SHISA6: variants seen among roughly 807,000 people sequenced by gnomAD.
SHISA6 encodes protein shisa-6.
A neutral mutation model predicts 47.9 loss-of-function variants in SHISA6; 22 were observed. That is an observed-to-expected ratio of 0.46 (90% CI 0.33 to 0.66). The LOEUF is 0.66. SHISA6 is among the 30% of genes least tolerant of loss of function. The pLI is 0.02. For missense variants in SHISA6, 680 were observed against 764.6 expected, an observed-to-expected ratio of 0.89 and a Z score of 1.30; for synonymous variants, 388 against 337.8, an observed-to-expected ratio of 1.15 and a Z score of -1.63.
At chr17:11,482,258 C>T (rs1441296275) in intron 3 of SHISA6, among the ~76,000 whole-genome samples, 5 of 152,096 alleles carry the variant, frequency 3.3e-5, no homozygotes, top group Admixed American at 1.3e-4. Flanking sequence ...CAGAATAAAT[C>T]AAGAATTTGA....
At chr17:11,383,222 G>C (rs946790363) in intron 3 of SHISA6, among the ~76,000 whole-genome samples, 2 of 152,110 alleles carry the variant, frequency 1.3e-5, no homozygotes, top group Non-Finnish European at 2.9e-5. Context: ...ACAGGCATGA[G>C]CCACCATGCC....
intron 2 of SHISA6, among the ~76,000 whole-genome samples, chr17:11,292,331 C>G (rs995990201): frequency 6.6e-6 from 1 of 152,060 alleles, no homozygotes; most frequent in African/African-American, 2.4e-5. Flanking sequence ...GTTCTGCTCC[C>G]TATGTCCGTG....
At chr17:11,459,307 T>G (rs1246533517) in intron 3 of SHISA6, among the ~76,000 whole-genome samples, 1 of 152,058 alleles carries the variant, frequency 6.6e-6, no homozygotes, top group Non-Finnish European at 1.5e-5. Flanking sequence ...CCTCCTACAC[T>G]GAATTAATCT....
chr17:11,326,077 C>T (rs1463779766), intron 2 of SHISA6, among the ~76,000 whole-genome samples: 2 of 152,086 alleles, frequency 1.3e-5, no homozygotes, highest in Non-Finnish European at 2.9e-5. Flanking sequence ...GTTAGCCATC[C>T]TGGCTAACAT....
intron 3 of SHISA6, among the ~76,000 whole-genome samples, chr17:11,472,159 A>G (rs1567614672): frequency 6.6e-6 from 1 of 152,076 alleles, no homozygotes; most frequent in South Asian, 2.1e-4. Context: ...GTTTTCTGGA[A>G]TGTCATATAG....
At chr17:11,547,720 G>C (rs2071894838) in intron 3 of SHISA6, among the ~76,000 whole-genome samples, 1 of 152,132 alleles carries the variant, frequency 6.6e-6, no homozygotes, top group African/African-American at 2.4e-5. Flanking sequence ...ATAATGATGG[G>C]AAGAGTTAAA....
At chr17:11,480,922 T>TA (rs1335119583) in intron 3 of SHISA6, among the ~76,000 whole-genome samples, 2 of 152,070 alleles carry the variant, frequency 1.3e-5, no homozygotes, top group East Asian at 1.9e-4. Context: ...GTGAGTATAT[T>TA]AAAAAAATAG....
intron 3 of SHISA6, among the ~76,000 whole-genome samples, chr17:11,467,078 C>T (rs1915826745): frequency 6.6e-6 from 1 of 152,210 alleles, no homozygotes; most frequent in Non-Finnish European, 1.5e-5. Flanking sequence ...CTATCCCTCT[C>T]ACTACCATCA....
chr17:11,241,668 G>C lies in SHISA6; in HGVS notation c.246G>C (p.Ala82=), dbSNP rs1220929971. Residue 82 remains alanine, a synonymous_variant, in exon 1 of 6, where the codon GCG becomes GCC. Coordinates refer to ENST00000441885, the MANE Select transcript of SHISA6 (RefSeq NM_207386.4). The surrounding 1 kb of genome is among the most constrained non-coding windows in gnomAD (Gnocchi z 5.5). ...SRRGQPAAAV[A]AAASAAVTYE... ...GGGGGCAGCCCGCGGCGGCTGTGGC[G>C]GCGGCGGCCAGCGCGGCCGTCACCT... 2 of 1,460,960 alleles carry C rather than the reference G, an allele frequency of 1.4e-6. No homozygotes were observed. The highest frequency in any genetic ancestry group is 1.8e-6 in the Non-Finnish European group (2 of 1,112,794). The allele number at this position is 1,460,960 out of a possible 1,614,324, so 90.5% of individuals were successfully genotyped here. A position where few individuals can be genotyped will look rare whatever the true frequency, so the allele number is the denominator to read the frequency against.
intron 3 of SHISA6, among the ~76,000 whole-genome samples, chr17:11,415,691 G>A (rs997895349): frequency 6.6e-6 from 1 of 152,180 alleles, no homozygotes; most frequent in African/African-American, 2.4e-5. Context: ...TTGATAGGTC[G>A]AGGCTTTGCT....
At chr17:11,536,347 G>A (rs556122554) in intron 3 of SHISA6, among the ~76,000 whole-genome samples, 3 of 151,960 alleles carry the variant, frequency 2.0e-5, no homozygotes, top group East Asian at 1.9e-4. Flanking sequence ...TCAGGTACAC[G>A]CATAGCATTA....
chr17:11,449,998 C>T (rs537433039), intron 3 of SHISA6, among the ~76,000 whole-genome samples: 3 of 152,324 alleles, frequency 2.0e-5, no homozygotes, highest in South Asian at 4.1e-4. Context: ...CATTCTCCTG[C>T]GTCAGCCTCC....
intron 3 of SHISA6, among the ~76,000 whole-genome samples, chr17:11,515,331 AGG>A (rs1449476032): frequency 1.5e-5 from 2 of 134,234 alleles, no homozygotes; most frequent in Non-Finnish European, 3.4e-5. Context: ...GAAGGAAGGA[AGG>A]AAGGAAGGAA....
At chr17:11,540,733 A>G (rs1281899070) in intron 3 of SHISA6, among the ~76,000 whole-genome samples, 1 of 152,222 alleles carries the variant, frequency 6.6e-6, no homozygotes, top group Non-Finnish European at 1.5e-5. Flanking sequence ...TGCCTTTAAC[A>G]TGCATGGTAA....
At chr17:11,248,531 C>T (rs1012783439) in intron 1 of SHISA6, among the ~76,000 whole-genome samples, 5 of 152,152 alleles carry the variant, frequency 3.3e-5, no homozygotes, top group Non-Finnish European at 7.3e-5. Flanking sequence ...GGTTAGTCAT[C>T]ACCAAATAAC....
chr17:11,257,736 A>G (rs922741914), intron 1 of SHISA6, among the ~76,000 whole-genome samples: 10 of 152,174 alleles, frequency 6.6e-5, no homozygotes, highest in Non-Finnish European at 1.3e-4. Flanking sequence ...GGAAAAGCTC[A>G]GTTATCTGGG....
chr17:11,462,947 C>T (rs1007559407), intron 3 of SHISA6, among the ~76,000 whole-genome samples: 3 of 152,132 alleles, frequency 2.0e-5, no homozygotes, highest in Non-Finnish European at 2.9e-5. Flanking sequence ...GGATAAAAAA[C>T]GAAGAAGCGT....
chr17:11,468,879 G>T (rs983662230), intron 3 of SHISA6, among the ~76,000 whole-genome samples: 4 of 151,822 alleles, frequency 2.6e-5, no homozygotes, highest in Non-Finnish European at 4.4e-5. Context: ...AAATTAGCCA[G>T]ACATGGTGGC....
intron 3 of SHISA6, among the ~76,000 whole-genome samples, chr17:11,388,463 G>A (rs549966153): frequency 5.1e-4 from 78 of 151,980 alleles, no homozygotes; most frequent in Non-Finnish European, 1.0e-3. Context: ...TTGGTCATTC[G>A]GATCTGCATA....
Sources: gnomAD v4.1 joint callset for allele counts (sites outside exome capture counted in the v4.1 genomes callset) on GRCh38, gnomAD v4.1.1 for gene constraint, Gnocchi (gnomAD v3.1) non-coding constraint, MANE v1.5 for transcripts, NCBI Gene and HGNC (gene_info 2026-07-23, HGNC 2026-07-21) for gene names.